FMN2: variants seen among roughly 807,000 people sequenced by gnomAD.
The protein encoded by FMN2 is formin-2.
Under a neutral mutation model 142.3 loss-of-function variants are expected in FMN2, and 51 were observed. That is an observed-to-expected ratio of 0.36 (90% CI 0.29 to 0.45). The LOEUF is 0.45. Ranked by LOEUF, FMN2 falls within the 20% of genes least tolerant of loss-of-function variation. The pLI, the probability that FMN2 is intolerant of heterozygous loss-of-function variation, is 1.00. For missense variants in FMN2, 1,936 were observed against 2,122.8 expected (o/e 0.91, Z 1.73); for synonymous variants, 882 against 869.8 (o/e 1.01, Z -0.25).
intron 8 of FMN2, among the ~76,000 whole-genome samples, chr1:240,311,406 G>A (rs1670600390): frequency 6.6e-6 from 1 of 152,078 alleles, no homozygotes; most frequent in African/African-American, 2.4e-5. Flanking sequence ...ACAAAAATGA[G>A]AGGAGTATTG....
rs745658489 is a variant in FMN2 at position 240,472,388 on chromosome 1, G to A, written c.5077G>A (p.Glu1693Lys). 3.1e-6 allele frequency: 5 copies of A among 1,612,060 alleles called. No individual in the cohort carries two copies. Among genetic ancestry groups the A allele is most frequent in the Non-Finnish European group, 4.2e-6 (5 of 1,179,330 alleles). The change falls in exon 17 of 18, where the codon GAG becomes AAG. Residue 1693 changes from glutamate (E) to lysine (K), a missense_variant. Physicochemically the swap from Glu to Lys is moderately conservative, Grantham distance 56. Transcript: ENST00000319653. ...CCCCATCAGAGTAAAAGAAGCCGAA[G>A]AGGTGTGTAGACAGAAGAAAGGAAA... Reference protein sequence around the residue: ...LLQERVKEAEEVCRQKKGKSL... With the variant: ...LLQERVKEAEKVCRQKKGKSL...
At chr1:240,408,157 A>T (rs1674275585) in intron 15 of FMN2, among the ~76,000 whole-genome samples, 1 of 152,238 alleles carries the variant, frequency 6.6e-6, no homozygotes, top group South Asian at 2.1e-4. Flanking sequence ...GTTAGCAATG[A>T]ATCATGAGTT....
intron 16 of FMN2, among the ~76,000 whole-genome samples, chr1:240,465,476 G>A (rs1398940280): frequency 6.6e-6 from 1 of 151,804 alleles, no homozygotes; most frequent in Non-Finnish European, 1.5e-5. Context: ...TTTTAGTAAA[G>A]AATATTGTGA....
At chr1:240,324,775 C>G (rs189867151) in intron 8 of FMN2, among the ~76,000 whole-genome samples, 1 of 149,920 alleles carries the variant, frequency 6.7e-6, no homozygotes. Flanking sequence ...CCACAAATGA[C>G]TATTTTAAAC....
At chr1:240,201,727 GA>G (rs1461871769) in intron 4 of FMN2, among the ~76,000 whole-genome samples, 4 of 151,556 alleles carry the variant, frequency 2.6e-5, no homozygotes, top group Admixed American at 6.6e-5. Flanking sequence ...CTTTTTTATG[GA>G]AAAAAAGTGA....
chr1:240,468,747 G>A lies in FMN2; in HGVS notation c.5061-3625G>A, dbSNP rs549867979. On this transcript the variant is annotated intron_variant, in intron 16 of 17. Coordinates refer to ENST00000319653, the MANE Select transcript of FMN2 (RefSeq NM_020066.5). ...GCAGGAGAGAAAGTGGATGGAACAC[G>A]TACAAACAGTTACTCAATAGACTCA... Among the ~76,000 whole-genome samples the A allele has an allele frequency of 1.1e-4, 16 of 152,242 alleles. No homozygotes were observed. The East Asian group carries it at 1.4e-3, about 13-fold the overall frequency.
intron 14 of FMN2, among the ~76,000 whole-genome samples, chr1:240,359,707 G>C (rs1158720541): frequency 1.3e-5 from 2 of 152,182 alleles, no homozygotes; most frequent in Non-Finnish European, 2.9e-5. Flanking sequence ...TAGCCCTACT[G>C]TCATAAGGCA....
At chr1:240,410,273 A>G (rs1271254117) in intron 15 of FMN2, among the ~76,000 whole-genome samples, 1 of 152,218 alleles carries the variant, frequency 6.6e-6, no homozygotes, top group Non-Finnish European at 1.5e-5. Context: ...CCAAAAATAT[A>G]TATTCAAGTC....
intron 2 of FMN2, among the ~76,000 whole-genome samples, chr1:240,162,161 G>T (rs1664308009): frequency 1.3e-5 from 2 of 148,388 alleles, no homozygotes; most frequent in Admixed American, 1.3e-4. Flanking sequence ...ATTGTCAAAA[G>T]AAATTATGAA....
chr1:240,210,439 A>G (rs1179745517), intron 5 of FMN2, among the ~76,000 whole-genome samples: 1 of 152,196 alleles, frequency 6.6e-6, no homozygotes, highest in African/African-American at 2.4e-5. Flanking sequence ...GAATCTGTAT[A>G]TTCTGATGAC....
intron 13 of FMN2, among the ~76,000 whole-genome samples, chr1:240,336,702 C>G (rs1378480699): frequency 2.6e-5 from 4 of 151,602 alleles, no homozygotes; most frequent in African/African-American, 4.8e-5. Flanking sequence ...GTGTTAGTAA[C>G]AGAAGAATGG....
In FMN2 at chr1:240,093,345, G is replaced by A; in HGVS notation, c.1236G>A (p.Pro412=). 2 of 1,612,802 alleles carry A rather than the reference G, an allele frequency of 1.2e-6. No homozygotes were observed. Among genetic ancestry groups the A allele is most frequent in the East Asian group, 4.5e-5 (2 of 44,676 alleles). The change falls in exon 1 of 18, where the codon CCG becomes CCA. Residue 412 remains proline, a synonymous_variant. Transcript: ENST00000319653. The part of the protein sequence containing the change: ...APSQRCFKPY[P]LITPCYIKTT... Reference sequence around the variant, plus strand: ...GCCAGCGCTGTTTCAAGCCCTACCCGCTCATCACCCCCTGCTACATCAAGA... The same window carrying A: ...GCCAGCGCTGTTTCAAGCCCTACCCACTCATCACCCCCTGCTACATCAAGA...
At chr1:240,188,088 T>G (rs1665555170) in intron 3 of FMN2, 119 bp from the exon 4 acceptor site, 1 of 864,692 alleles carries the variant, frequency 1.2e-6, no homozygotes, top group Non-Finnish European at 1.8e-6. Context: ...GAAGAGAGAC[T>G]GGATATTTTT....
Position 240,284,440 on chromosome 1 carries a change from A to G in FMN2, c.4154-10382A>G, listed in dbSNP as rs550550878. Among the ~76,000 whole-genome samples, 3 of 152,234 alleles carry G rather than the reference A, an allele frequency of 2.0e-5. No individual in the cohort carries two copies. In the East Asian group the frequency reaches 5.8e-4, roughly 29 times the overall value. On this transcript the variant is annotated intron_variant, in intron 7 of 17. Coordinates refer to ENST00000319653, the MANE Select transcript of FMN2 (RefSeq NM_020066.5). ...TCATTTTACTTCCTAATAAACTCAA[A>G]GATATTGGAATTCAGTTTTTATTTC...
chr1:240,388,559 TG>T (rs1275216176), intron 14 of FMN2, among the ~76,000 whole-genome samples: 1 of 152,108 alleles, frequency 6.6e-6, no homozygotes, highest in Non-Finnish European at 1.5e-5. Context: ...AGATCTGGGA[TG>T]CCCTTGGCCA....
chr1:240,255,866 T>C (rs1471076003), intron 6 of FMN2, among the ~76,000 whole-genome samples: 2 of 152,004 alleles, frequency 1.3e-5, no homozygotes, highest in Non-Finnish European at 2.9e-5. Flanking sequence ...AAATTATAGG[T>C]TATAATGTGA....
intron 4 of FMN2, among the ~76,000 whole-genome samples, chr1:240,199,185 A>C (rs932098645): frequency 5.9e-5 from 9 of 152,244 alleles, no homozygotes; most frequent in African/African-American, 2.2e-4. Context: ...TATTTTACAG[A>C]TGTCTAGAGG....
At chr1:240,404,810 A>G (rs1223630102) in intron 15 of FMN2, among the ~76,000 whole-genome samples, 2 of 152,220 alleles carry the variant, frequency 1.3e-5, no homozygotes, top group African/African-American at 4.8e-5. Flanking sequence ...GTTATACAAA[A>G]TCTGAGGTGG....
At chr1:240,252,635 C>CG (rs201145011) in intron 6 of FMN2, among the ~76,000 whole-genome samples, 3,235 of 148,022 alleles carry the variant, frequency 0.022, 52 homozygotes, top group Middle Eastern at 0.036. Context: ...GTTATTCTGA[C>CG]GGGGGGGGTG....
Sources: gnomAD v4.1 joint callset for allele counts (sites outside exome capture counted in the v4.1 genomes callset) on GRCh38, gnomAD v4.1.1 for gene constraint, MANE v1.5 for transcripts, NCBI Gene and HGNC (gene_info 2026-07-23, HGNC 2026-07-21) for gene names.